Variants in DPP10 observed in about 807,000 individuals in gnomAD.
The protein encoded by DPP10 is dipeptidyl peptidase like 10.
A neutral mutation model predicts 120.9 loss-of-function variants in DPP10; 33 were observed. The observed-to-expected ratio is 0.27, with a 90% CI of 0.21 to 0.37. The LOEUF is 0.37. Among genes scored for constraint, DPP10 ranks in the 10% least tolerant of loss-of-function variants. DPP10 has a pLI of 1.00. For missense variants in DPP10, 816 were observed against 942.8 expected, an observed-to-expected ratio of 0.87 and a Z score of 1.76; for synonymous variants, 337 against 326.1, an observed-to-expected ratio of 1.03 and a Z score of -0.36.
At chr2:115,714,122 A>C (rs1559064195) in intron 7 of DPP10, among the ~76,000 whole-genome samples, 1 of 152,110 alleles carries the variant, frequency 6.6e-6, no homozygotes, top group Non-Finnish European at 1.5e-5. Flanking sequence ...CCCACCTTCC[A>C]CCAAAGGCTG....
chr2:115,706,730 A>T (rs2092123899), intron 7 of DPP10, among the ~76,000 whole-genome samples: 1 of 151,984 alleles, frequency 6.6e-6, no homozygotes, highest in Non-Finnish European at 1.5e-5. Context: ...AGATTATAAT[A>T]GTATCTACCA....
chr2:115,086,287 T>G (rs568030515), intron 1 of DPP10, among the ~76,000 whole-genome samples: 5 of 152,294 alleles, frequency 3.3e-5, no homozygotes, highest in African/African-American at 9.6e-5. Flanking sequence ...TACGATCTTT[T>G]ATCTTAACCC....
intron 5 of DPP10, among the ~76,000 whole-genome samples, chr2:115,582,175 C>T (rs760076734): frequency 5.9e-5 from 9 of 152,124 alleles, no homozygotes; most frequent in African/African-American, 1.7e-4. Context: ...GGTTTCTTCT[C>T]CCCTGATTTT....
At chr2:115,385,106 C>T (rs2066819978) in intron 3 of DPP10, among the ~76,000 whole-genome samples, 2 of 152,166 alleles carry the variant, frequency 1.3e-5, no homozygotes, top group East Asian at 3.9e-4. Context: ...CCAATTAAAC[C>T]TCTTGTTCTC....
chr2:115,225,434 T>G (rs546499677), intron 1 of DPP10, among the ~76,000 whole-genome samples: 1 of 152,042 alleles, frequency 6.6e-6, no homozygotes, highest in South Asian at 2.1e-4. Flanking sequence ...ATGAGTGTGT[T>G]CTTTTTTTTT....
intron 1 of DPP10, among the ~76,000 whole-genome samples, chr2:114,747,950 T>G (rs1678735539): frequency 6.6e-6 from 1 of 152,344 alleles, no homozygotes; most frequent in East Asian, 1.9e-4. Flanking sequence ...TGTAAACTGT[T>G]GGTTACTGGC....
At chr2:115,258,256 T>TCACCA (rs2105729268) in intron 1 of DPP10, among the ~76,000 whole-genome samples, 1 of 152,324 alleles carries the variant, frequency 6.6e-6, no homozygotes, top group East Asian at 1.9e-4. Context: ...GCAGTGAAGA[T>TCACCA]GCTGCCAGTA....
chr2:115,621,852 A>T (rs1315874430), intron 5 of DPP10, among the ~76,000 whole-genome samples: 1 of 151,722 alleles, frequency 6.6e-6, no homozygotes, highest in Non-Finnish European at 1.5e-5. Context: ...TAATTTTTGT[A>T]TTTTTGGTAA....
chr2:115,032,720 A>G (rs1221378147), intron 1 of DPP10, among the ~76,000 whole-genome samples: 1 of 145,640 alleles, frequency 6.9e-6, no homozygotes, highest in Non-Finnish European at 1.5e-5. Flanking sequence ...GTATCTACTG[A>G]AAAAAAAAAC....
chr2:115,457,446 G>A (rs1028955207), intron 3 of DPP10, among the ~76,000 whole-genome samples: 4 of 152,036 alleles, frequency 2.6e-5, no homozygotes, highest in Admixed American at 6.6e-5. Flanking sequence ...CAGGGAGAAT[G>A]AATTTGCAAA....
intron 1 of DPP10, among the ~76,000 whole-genome samples, chr2:114,669,758 T>A (rs1452653714): frequency 6.6e-6 from 1 of 151,670 alleles, no homozygotes; most frequent in African/African-American, 2.4e-5. Flanking sequence ...AAAATGGCCA[T>A]TTTTTTTATT....
intron 1 of DPP10, among the ~76,000 whole-genome samples, chr2:114,702,600 G>T (rs970224738): frequency 6.6e-6 from 1 of 152,076 alleles, no homozygotes; most frequent in African/African-American, 2.4e-5. Context: ...TGGTCCATGA[G>T]GCCATTTGAA....
intron 5 of DPP10, among the ~76,000 whole-genome samples, chr2:115,640,468 G>GA (rs562455576): frequency 1.4e-3 from 189 of 133,496 alleles, no homozygotes; most frequent in East Asian, 3.2e-3. Flanking sequence ...AAGAAGAAAG[G>GA]AAAAAAAAAA....
At chr2:115,274,927 G>C (rs896844041) in intron 1 of DPP10, among the ~76,000 whole-genome samples, 1 of 152,070 alleles carries the variant, frequency 6.6e-6, no homozygotes, top group African/African-American at 2.4e-5. Flanking sequence ...AAGATCACTT[G>C]TGTTCAGCAC....
chr2:114,593,636 T>G (rs1691641625), intron 1 of DPP10, among the ~76,000 whole-genome samples: 1 of 152,150 alleles, frequency 6.6e-6, no homozygotes, highest in Admixed American at 6.5e-5. Flanking sequence ...TTGTATCTAT[T>G]TATGGGGATA....
rs1488339134 is a variant in DPP10 at position 114,646,196 on chromosome 2, A to AAATAAAT, written c.60+203360_60+203361insTAAATAA. On this transcript the variant is annotated intron_variant, in intron 1 of 25. Transcript: ENST00000410059. ...TAAATAAATAAATAAATAAATAAATAAAAAGGGGGAGAGGGGATCAAAAGC... is the reference window on the plus strand; with the variant it reads ...TAAATAAATAAATAAATAAATAAATAAATAAATAAAAGGGGGAGAGGGGATCAAAAGC... Among the ~76,000 whole-genome samples, 1,102 of 151,156 alleles carry AAATAAAT rather than the reference A, an allele frequency of 7.3e-3. 8 individuals carry two copies. The highest frequency in any genetic ancestry group is 0.024 in the African/African-American group (995 of 40,780).
rs553083783 is a variant in DPP10, at chr2:115,700,354, A to G, written c.576+10433A>G. On this transcript the variant is annotated intron_variant, in intron 7 of 25. Transcript: ENST00000410059. ...AACACATAATCATCTCAACTCATAC[A>G]GAATAAGCATTTTTAAAAATTTAAC... is the stretch of plus-strand genomic sequence containing the variant. Among the ~76,000 whole-genome samples, 126 of 152,298 alleles carry G rather than the reference A, an allele frequency of 8.3e-4. 4 individuals carry two copies. In the South Asian group the frequency reaches 0.026, roughly 31 times the overall value.
At position 115,013,211 on chromosome 2, in the gene DPP10, G is replaced by GT. The variant is rs1456921561; in HGVS notation, c.61-296025dup. ...CCTGGTGGTGACAAAATCTCTCACC[G>GT]TTTGTTTTTCTGTAAAGGATTTTAT... On this transcript the variant is annotated intron_variant, in intron 1 of 25. Coordinates refer to ENST00000410059, the MANE Select transcript of DPP10 (RefSeq NM_020868.6). Among the ~76,000 whole-genome samples the GT allele has an allele frequency of 3.8e-3, 572 of 152,092 alleles. 13 individuals are homozygous for GT. The highest frequency in any genetic ancestry group is 1.5e-3 in the Non-Finnish European group (100 of 67,986).
chr2:114,535,251 A>T (rs994801215), intron 1 of DPP10, among the ~76,000 whole-genome samples: 2 of 152,168 alleles, frequency 1.3e-5, no homozygotes, highest in Non-Finnish European at 2.9e-5. Context: ...CTGTGGAGTG[A>T]AGAAGAACAT....
Sources: allele counts gnomAD v4.1 joint callset (sites outside exome capture counted in the v4.1 genomes callset), GRCh38; gene constraint gnomAD v4.1.1; transcripts MANE v1.5; gene names NCBI Gene and HGNC (gene_info 2026-07-23, HGNC 2026-07-21).